CXXC5: variants seen among roughly 807,000 people sequenced by gnomAD.
CXXC5 encodes CXXC finger protein 5.
A neutral mutation model predicts 17.6 loss-of-function variants in CXXC5; 2 were observed. The ratio of observed to expected loss-of-function variants is 0.11; its 90% CI spans 0.05 to 0.36. The LOEUF is 0.36. Among genes scored for constraint, CXXC5 ranks in the 10% least tolerant of loss-of-function variants. The probability of loss-of-function intolerance (pLI) is 1.00; values close to 1 mark genes in which losing one functional copy is unlikely to be tolerated. For synonymous variants in CXXC5, 171 were observed against 193.0 expected (o/e 0.89, Z 0.94); for missense variants, 343 against 458.3 (o/e 0.75, Z 2.30).
chr5:139,648,048 G>A (rs1454007093), upstream of CXXC5: 1 of 146,724 alleles, frequency 6.8e-6, no homozygotes, highest in Non-Finnish European at 1.5e-5. Flanking sequence ...CGGGGAGGTC[G>A]TCCTTTTTTT....
At chr5:139,678,040 C>T (rs914619642) in intron 1 of CXXC5, among the ~76,000 whole-genome samples, 1 of 152,256 alleles carries the variant, frequency 6.6e-6, no homozygotes, top group Non-Finnish European at 1.5e-5. Flanking sequence ...GGGGCTGGGG[C>T]GCAGCCTGCT....
intron 1 of CXXC5, among the ~76,000 whole-genome samples, chr5:139,672,318 A>T (rs187337465): frequency 2.0e-5 from 3 of 152,268 alleles, no homozygotes; most frequent in Non-Finnish European, 4.4e-5. Context: ...GGGTTTCTCC[A>T]TGTTGGTCAG....
intron 1 of CXXC5, among the ~76,000 whole-genome samples, chr5:139,659,360 G>C (rs989960940): frequency 2.0e-5 from 3 of 152,208 alleles, no homozygotes; most frequent in Non-Finnish European, 2.9e-5. Context: ...GAGGGAGACA[G>C]GCTAGCAGGA....
chr5:139,656,740 T>C (rs1196698824), intron 1 of CXXC5, among the ~76,000 whole-genome samples: 2 of 152,198 alleles, frequency 1.3e-5, no homozygotes, highest in East Asian at 3.8e-4. Context: ...TTTTTGTTTT[T>C]TTGAGATGGA....
chr5:139,671,507 G>A (rs1581606276), intron 1 of CXXC5, among the ~76,000 whole-genome samples: 1 of 152,218 alleles, frequency 6.6e-6, no homozygotes, highest in African/African-American at 2.4e-5. Flanking sequence ...GGCCAGCCGC[G>A]GGTGGCGGGT....
At chr5:139,652,119 C>T (rs915055543) in intron 1 of CXXC5, among the ~76,000 whole-genome samples, 3 of 151,650 alleles carry the variant, frequency 2.0e-5, no homozygotes, top group Non-Finnish European at 2.9e-5. Context: ...CTCTCTTACC[C>T]CCACCACCTG....
chr5:139,682,089 A>G (rs1348926764), intron 2 of CXXC5, among the ~76,000 whole-genome samples: 3 of 152,144 alleles, frequency 2.0e-5, no homozygotes, highest in African/African-American at 7.2e-5. Context: ...GGCTTGGAGA[A>G]GGCAAGGGGT....
intron 1 of CXXC5, among the ~76,000 whole-genome samples, chr5:139,667,834 G>T (rs116653712): frequency 1.3e-5 from 2 of 152,216 alleles, no homozygotes; most frequent in East Asian, 3.9e-4. Flanking sequence ...TGTTGTTCTC[G>T]CCATCCTTAT....
rs1285539186 is a variant in CXXC5 at position 139,658,115 on chromosome 5, C to G, written c.-161+9270C>G. The stretch of plus-strand genomic sequence containing the variant: ...TGGGAGAGACCCAGCCCCTCTCCTG[C>G]CTGACCCACCTCCCCCAGAACTAGA... On this transcript the variant is annotated intron_variant, in intron 1 of 2. Coordinates refer to ENST00000302517, the MANE Select transcript of CXXC5 (RefSeq NM_016463.9). This position sits in a 1 kb window ranked among gnomAD's most constrained non-coding sequence, Gnocchi z 4.1. Among the ~76,000 whole-genome samples the G allele has an allele frequency of 6.6e-6, 1 of 151,878 alleles. No individual in the cohort carries two copies. The highest frequency in any genetic ancestry group is 1.5e-5 in the Non-Finnish European group (1 of 67,970).
intron 1 of CXXC5, among the ~76,000 whole-genome samples, chr5:139,654,891 G>T (rs1194474466): frequency 6.6e-6 from 1 of 152,210 alleles, no homozygotes; most frequent in East Asian, 1.9e-4. Context: ...GGGCCAGGCT[G>T]GGGTAGCGTG....
chr5:139,648,206 T>C (rs1476350255), upstream of CXXC5: 1 of 127,524 alleles, frequency 7.8e-6, no homozygotes, highest in Non-Finnish European at 1.6e-5. Flanking sequence ...TGGCCCGAGC[T>C]GCGCTGGGAG....
intron 1 of CXXC5, among the ~76,000 whole-genome samples, chr5:139,664,384 G>C (rs1755982643): frequency 6.6e-6 from 1 of 152,136 alleles, no homozygotes; most frequent in African/African-American, 2.4e-5. Context: ...ACCCTGCAGG[G>C]AGGAGTTGAG....
Position 139,680,489 on chromosome 5 carries a change from T to C in CXXC5, c.-35T>C. 1.3e-6 allele frequency: 2 copies of C among 1,529,358 alleles called. No homozygotes were observed. The highest frequency in any genetic ancestry group is 1.8e-6 in the Non-Finnish European group (2 of 1,140,562). 94.7% of individuals were successfully genotyped at this position (1,529,358 alleles called of 1,614,324 possible). On this transcript the variant is annotated 5_prime_UTR_variant, in exon 2 of 3. Transcript: ENST00000302517. ...TGTGGACCCTCGGCAGTTGGCAGGC[T>C]CCCTCTGCAGTGGGGTCTGGGCCTC...
intron 1 of CXXC5, among the ~76,000 whole-genome samples, chr5:139,673,442 C>A (rs958545978): frequency 1.3e-5 from 2 of 152,184 alleles, no homozygotes; most frequent in Non-Finnish European, 2.9e-5. Flanking sequence ...GCATCTCAGT[C>A]CCTAGAGCCC....
At chr5:139,657,567 T>G (rs1232503002) in intron 1 of CXXC5, among the ~76,000 whole-genome samples, 1 of 152,170 alleles carries the variant, frequency 6.6e-6, no homozygotes, top group East Asian at 1.9e-4. Flanking sequence ...GGTGGAGACC[T>G]ACTGGCCCTG....
At chr5:139,665,073 C>G (rs1756025781) in intron 1 of CXXC5, among the ~76,000 whole-genome samples, 2 of 152,240 alleles carry the variant, frequency 1.3e-5, no homozygotes. Context: ...TGCCAATCTG[C>G]TGGCTCAGCC....
chr5:139,666,423 T>A (rs912946353), intron 1 of CXXC5, among the ~76,000 whole-genome samples: 3 of 152,192 alleles, frequency 2.0e-5, no homozygotes, highest in Non-Finnish European at 2.9e-5. Context: ...AGACCCCCAC[T>A]ACCTCCTGGA....
rs976935198 is a variant in CXXC5 at position 139,661,383 on chromosome 5, TGCA to T, written c.-161+12542_-161+12544del. ...CACACTTAGGACAGACACAGTCACT[TGCA>T]GCACACGTAGTTCCACACGACTCAG... On this transcript the variant is annotated intron_variant, in intron 1 of 2. Coordinates refer to ENST00000302517, the MANE Select transcript of CXXC5 (RefSeq NM_016463.9). This position sits in a 1 kb window ranked among gnomAD's most constrained non-coding sequence, Gnocchi z 4.7. Among the ~76,000 whole-genome samples, 3 of 152,062 alleles carry T rather than the reference TGCA, an allele frequency of 2.0e-5. No homozygotes were observed. The highest frequency in any genetic ancestry group is 4.4e-5 in the Non-Finnish European group (3 of 68,000).
rs1190984090 is a variant in CXXC5, at chr5:139,661,050, G to A, written c.-161+12205G>A. Among the ~76,000 whole-genome samples, 4 of 152,152 alleles carry A rather than the reference G, an allele frequency of 2.6e-5. No homozygotes were observed. The highest frequency in any genetic ancestry group is 5.9e-5 in the Non-Finnish European group (4 of 68,010). Reference sequence around the variant, plus strand: ...GGGGGCCAGGGCAGCCGGAGTCTGGGGGACCAGGACAGCCTCCCCCACCTC... The same window carrying A: ...GGGGGCCAGGGCAGCCGGAGTCTGGAGGACCAGGACAGCCTCCCCCACCTC... On this transcript the variant is annotated intron_variant, in intron 1 of 2. Coordinates refer to ENST00000302517, the MANE Select transcript of CXXC5 (RefSeq NM_016463.9). The surrounding 1 kb of genome is among the most constrained non-coding windows in gnomAD (Gnocchi z 4.7).
Sources: gnomAD v4.1 joint callset for allele counts (sites outside exome capture counted in the v4.1 genomes callset) on GRCh38, gnomAD v4.1.1 for gene constraint, Gnocchi (gnomAD v3.1) non-coding constraint, MANE v1.5 for transcripts, NCBI Gene and HGNC (gene_info 2026-07-23, HGNC 2026-07-21) for gene names.